Variants in SNX25 observed in about 807,000 individuals in gnomAD.
SNX25 encodes sorting nexin-25.
Under a neutral mutation model 113.7 loss-of-function variants are expected in SNX25, and 62 were observed. The observed-to-expected ratio is 0.55, with a 90% confidence interval of 0.44 to 0.67. The LOEUF (loss-of-function observed/expected upper bound fraction) is 0.67. Ranked by LOEUF, SNX25 falls within the 30% of genes least tolerant of loss-of-function variation. SNX25 has a pLI of 0.00. For missense variants in SNX25, 1,014 were observed against 1,161.0 expected (o/e 0.87, Z 1.84); for synonymous variants, 421 against 436.2 (o/e 0.97, Z 0.43).
intron 1 of SNX25, among the ~76,000 whole-genome samples, chr4:185,240,655 C>T (rs1743719343): frequency 6.7e-6 from 1 of 149,186 alleles, no homozygotes; most frequent in South Asian, 2.1e-4. Context: ...GGGGGCTAAC[C>T]CCCCCACCTC....
chr4:185,373,426 G>A (rs1366285850), downstream of SNX25, among the ~76,000 whole-genome samples: 1 of 152,188 alleles, frequency 6.6e-6, no homozygotes, highest in Non-Finnish European at 1.5e-5. Context: ...GCACAGCAGA[G>A]GAGGGGAAAC....
At chr4:185,351,803 C>T (rs746282510) in intron 14 of SNX25, among the ~76,000 whole-genome samples, 194 bp downstream of exon 14, 1 of 151,878 alleles carries the variant, frequency 6.6e-6, no homozygotes, top group Non-Finnish European at 1.5e-5. Context: ...TTTACCACTT[C>T]GGAGTTGGTA....
At chr4:185,241,370 C>G (rs1454935765) in intron 1 of SNX25, among the ~76,000 whole-genome samples, 2 of 150,990 alleles carry the variant, frequency 1.3e-5, no homozygotes, top group African/African-American at 2.4e-5. Context: ...CGCAGGCACT[C>G]GGCAGGCTGA....
chr4:185,215,102 G>A (rs553711987), intron 1 of SNX25, among the ~76,000 whole-genome samples: 4 of 152,050 alleles, frequency 2.6e-5, no homozygotes, highest in Non-Finnish European at 4.4e-5. Flanking sequence ...TGGTGCGGGC[G>A]CCTGTAGTCC....
At chr4:185,336,189 A>G (rs564107260) in intron 10 of SNX25, among the ~76,000 whole-genome samples, 4 of 152,296 alleles carry the variant, frequency 2.6e-5, no homozygotes, top group South Asian at 2.1e-4. Flanking sequence ...TTTTATTTCA[A>G]TACGTTTTTA....
chr4:185,304,652 G>A (rs193101118), intron 6 of SNX25, among the ~76,000 whole-genome samples: 111 of 151,892 alleles, frequency 7.3e-4, no homozygotes, highest in African/African-American at 2.6e-3. Flanking sequence ...CCACCACACC[G>A]GGCCTAAATT....
intron 7 of SNX25, among the ~76,000 whole-genome samples, chr4:185,315,155 G>A (rs187799001): frequency 7.9e-5 from 12 of 151,524 alleles, no homozygotes; most frequent in African/African-American, 2.9e-4. Flanking sequence ...GTGAACCTGG[G>A]AGGCGGAGCT....
downstream of SNX25, among the ~76,000 whole-genome samples, chr4:185,372,591 TAGTGTGATCGTATCA>T (rs1405646315): frequency 2.6e-5 from 4 of 152,316 alleles, no homozygotes; most frequent in South Asian, 8.3e-4. Context: ...CCAGTGTTGC[TAGTGTGATCGTATCA>T]AGAGGTGGGG....
intron 4 of SNX25, among the ~76,000 whole-genome samples, chr4:185,265,439 CA>C (rs1560949690): frequency 6.6e-6 from 1 of 152,036 alleles, no homozygotes; most frequent in African/African-American, 2.4e-5. Context: ...AGAAAAGGTA[CA>C]GTAAAAATAT....
downstream of SNX25, chr4:185,370,859 G>T (rs202001295): frequency 8.8e-6 from 14 of 1,597,680 alleles, no homozygotes; most frequent in Admixed American, 1.8e-4. Flanking sequence ...ATCAGTTATG[G>T]TAAGTGTTTG....
At chr4:185,331,943 C>G (rs78694861) in intron 9 of SNX25, among the ~76,000 whole-genome samples, 1 of 152,210 alleles carries the variant, frequency 6.6e-6, no homozygotes, top group African/African-American at 2.4e-5. Context: ...AGCTAGATCT[C>G]AGCAATTCTC....
chr4:185,353,854 A>G (rs577310095), intron 15 of SNX25, among the ~76,000 whole-genome samples: 17 of 152,050 alleles, frequency 1.1e-4, no homozygotes, highest in Admixed American at 1.1e-3. Flanking sequence ...GACCATCCTG[A>G]CCAACATGGT....
intron 6 of SNX25, among the ~76,000 whole-genome samples, chr4:185,297,117 T>G (rs1752942667): frequency 6.6e-6 from 1 of 152,242 alleles, no homozygotes; most frequent in African/African-American, 2.4e-5. Flanking sequence ...CTTCAGGGTT[T>G]GTTCCTAACT....
intron 1 of SNX25, among the ~76,000 whole-genome samples, chr4:185,244,150 A>G (rs1744494018): frequency 6.6e-6 from 1 of 152,120 alleles, no homozygotes; most frequent in African/African-American, 2.4e-5. Context: ...GGTGCCTGCC[A>G]CCAAGCCCAG....
At chr4:185,348,861 C>T (rs911339633) in intron 13 of SNX25, among the ~76,000 whole-genome samples, 2 of 152,188 alleles carry the variant, frequency 1.3e-5, no homozygotes, top group African/African-American at 4.8e-5. Context: ...ACCAATCTCT[C>T]CCATCCTTTC....
rs1389298184 is a variant in SNX25, at chr4:185,225,487, T to A, written c.429+15232T>A. Among the ~76,000 whole-genome samples, 3 of 152,228 alleles carry A rather than the reference T, an allele frequency of 2.0e-5. No individual in the cohort carries two copies. In the East Asian group the frequency reaches 5.8e-4, roughly 29 times the overall value. ...TTGAACACTGCTTTGTAATCCTCTATGTCATTTGCTTAGCATGGCATATGT... is the reference window on the plus strand; with the variant it reads ...TTGAACACTGCTTTGTAATCCTCTAAGTCATTTGCTTAGCATGGCATATGT... On this transcript the variant is annotated intron_variant, in intron 1 of 18. Coordinates refer to ENST00000652585, the MANE Select transcript of SNX25 (RefSeq NM_001378034.2).
At chr4:185,273,011 C>G (rs1299076020) in intron 5 of SNX25, among the ~76,000 whole-genome samples, 1 of 152,138 alleles carries the variant, frequency 6.6e-6, no homozygotes, top group Non-Finnish European at 1.5e-5. Context: ...CAGTGGTATT[C>G]TGCTGTACCC....
At chr4:185,223,464 C>A (rs1740320545) in intron 1 of SNX25, among the ~76,000 whole-genome samples, 1 of 152,138 alleles carries the variant, frequency 6.6e-6, no homozygotes, top group South Asian at 2.1e-4. Context: ...GCTCAAACTC[C>A]TGTTTGATTC....
In SNX25 at chr4:185,210,448, T is replaced by A. The variant is rs1466948346; in HGVS notation, c.429+193T>A. The stretch of plus-strand genomic sequence containing the variant: ...CGCCCGCGCGCGGCGGGCTCCGGGC[T>A]CCGGGCTCCGCGCTCCGCGGTGCTG... On this transcript the variant is annotated intron_variant, in intron 1 of 18. Transcript: ENST00000652585. This position sits in a 1 kb window ranked among gnomAD's most constrained non-coding sequence, Gnocchi z 4.4. Among the ~76,000 whole-genome samples, 1 of 151,846 alleles carries A rather than the reference T, an allele frequency of 6.6e-6. No individual in the cohort carries two copies. Among genetic ancestry groups the A allele is most frequent in the African/African-American group, 2.4e-5 (1 of 41,408 alleles).
Sources: allele counts gnomAD v4.1 joint callset (sites outside exome capture counted in the v4.1 genomes callset), GRCh38; gene constraint gnomAD v4.1.1; non-coding constraint Gnocchi (gnomAD v3.1); transcripts MANE v1.5; gene names NCBI Gene and HGNC (gene_info 2026-07-23, HGNC 2026-07-21).